NKAIN3: variants seen among roughly 807,000 people sequenced by gnomAD.
The protein encoded by NKAIN3 is sodium/potassium-transporting ATPase subunit beta-1-interacting protein 3.
A neutral mutation model predicts 30.2 loss-of-function variants in NKAIN3; 25 were observed. The observed-to-expected ratio is 0.83, with a 90% CI of 0.60 to 1.16. The LOEUF is 1.16. Ranked by LOEUF, NKAIN3 falls within the 50% of genes most tolerant of loss-of-function variation. The probability of loss-of-function intolerance (pLI) is 0.00; values close to 1 mark genes in which losing one functional copy is unlikely to be tolerated. For missense variants in NKAIN3, 225 were observed against 254.1 expected, an observed-to-expected ratio of 0.89 and a Z score of 0.78; for synonymous variants, 91 against 89.6, an observed-to-expected ratio of 1.02 and a Z score of -0.09.
At chr8:62,317,877 A>G (rs1814701642) in intron 1 of NKAIN3, among the ~76,000 whole-genome samples, 1 of 152,152 alleles carries the variant, frequency 6.6e-6, no homozygotes. Context: ...CAGTACGGCC[A>G]TTTTCACGAT....
At chr8:62,326,385 A>G (rs1815131499) in intron 1 of NKAIN3, among the ~76,000 whole-genome samples, 1 of 146,066 alleles carries the variant, frequency 6.8e-6, no homozygotes, top group Non-Finnish European at 1.5e-5. Flanking sequence ...TTTGTTACTT[A>G]TGATTTTGTT....
intron 1 of NKAIN3, among the ~76,000 whole-genome samples, chr8:62,287,383 A>G (rs1426776608): frequency 6.6e-6 from 1 of 152,030 alleles, no homozygotes; most frequent in Non-Finnish European, 1.5e-5. Context: ...ATCCTGATTC[A>G]TTGAGCAGCA....
intron 3 of NKAIN3, among the ~76,000 whole-genome samples, chr8:62,635,080 G>A (rs899800941): frequency 6.6e-6 from 1 of 152,028 alleles, no homozygotes; most frequent in Admixed American, 6.6e-5. Flanking sequence ...GCATGAGGGA[G>A]GAAACAAACA....
In NKAIN3 at chr8:62,547,503, C is replaced by T. The variant is rs73269448; in HGVS notation, c.55-32036C>T. Among the ~76,000 whole-genome samples, 285 of 152,260 alleles carry T rather than the reference C, an allele frequency of 1.9e-3. 1 individual carries two copies. Among genetic ancestry groups the T allele is most frequent in the African/African-American group, 6.5e-3 (271 of 41,564 alleles). On this transcript the variant is annotated intron_variant, in intron 1 of 6. Coordinates refer to ENST00000623646, the MANE Select transcript of NKAIN3 (RefSeq NM_001304533.3). ...ATTTATTTCTGATCAAACTGAAAAA[C>T]TCAAAGGCCAGTAATCTGATGGTGA...
intron 1 of NKAIN3, among the ~76,000 whole-genome samples, chr8:62,515,606 A>G (rs2129758004): frequency 6.6e-6 from 1 of 152,262 alleles, no homozygotes; most frequent in South Asian, 2.1e-4. Context: ...TACATCCAGG[A>G]GTGGAGCTGT....
chr8:62,413,155 C>A (rs1470749498), intron 1 of NKAIN3, among the ~76,000 whole-genome samples: 7 of 152,102 alleles, frequency 4.6e-5, no homozygotes, highest in South Asian at 4.1e-4. Context: ...AGATGCTGGC[C>A]AGGCTGTAGA....
chr8:62,929,534 G>A (rs1282897199), intron 5 of NKAIN3, among the ~76,000 whole-genome samples: 1 of 152,228 alleles, frequency 6.6e-6, no homozygotes, highest in Non-Finnish European at 1.5e-5. Flanking sequence ...CATACTGACT[G>A]TGTTTTCCTC....
At chr8:62,520,802 A>T (rs1417774053) in intron 1 of NKAIN3, among the ~76,000 whole-genome samples, 2 of 152,118 alleles carry the variant, frequency 1.3e-5, no homozygotes, top group African/African-American at 4.8e-5. Context: ...GTGAGACTGT[A>T]CTGGAAAACA....
chr8:62,442,767 T>C lies in NKAIN3; in HGVS notation c.55-136772T>C, dbSNP rs536305325. Among the ~76,000 whole-genome samples, 7 of 152,152 alleles carry C rather than the reference T, an allele frequency of 4.6e-5. 1 individual carries two copies. The East Asian group carries it at 1.4e-3, about 29-fold the overall frequency. On this transcript the variant is annotated intron_variant, in intron 1 of 6. Transcript: ENST00000623646. ...TGAGCTATGCCCTCAATTGTTGATA[T>C]ATAGGTTTTTAATTGTCACTTAGCT...
chr8:62,708,099 C>T lies in NKAIN3; in HGVS notation c.274-38833C>T, dbSNP rs144269290. Among the ~76,000 whole-genome samples, 136 of 152,256 alleles carry T rather than the reference C, an allele frequency of 8.9e-4. 1 individual carries two copies. The Middle Eastern group carries it at 0.01, about 11-fold the overall frequency. ...ATTGGTCTATGTGCCTATTTTTATACTGGTACCATACTGTTTTGGTAACTA... is the reference window on the plus strand; with the variant it reads ...ATTGGTCTATGTGCCTATTTTTATATTGGTACCATACTGTTTTGGTAACTA... On this transcript the variant is annotated intron_variant, in intron 3 of 6. Transcript: ENST00000623646.
intron 6 of NKAIN3, among the ~76,000 whole-genome samples, chr8:62,960,091 T>C (rs1326445207): frequency 2.0e-5 from 3 of 152,228 alleles, no homozygotes; most frequent in Admixed American, 1.3e-4. Flanking sequence ...TATTTGACTA[T>C]GTAGCAGTGA....
intron 4 of NKAIN3, among the ~76,000 whole-genome samples, chr8:62,854,025 A>C (rs916106899): frequency 2.0e-5 from 3 of 152,122 alleles, no homozygotes; most frequent in African/African-American, 7.2e-5. Flanking sequence ...GAATTTCTTA[A>C]TTTTGAGTTC....
intron 3 of NKAIN3, among the ~76,000 whole-genome samples, chr8:62,620,835 CA>C (rs1811600875): frequency 6.6e-6 from 1 of 152,094 alleles, no homozygotes; most frequent in African/African-American, 2.4e-5. Context: ...AGCTTTTGGT[CA>C]ATTTTCAAAG....
intron 1 of NKAIN3, among the ~76,000 whole-genome samples, chr8:62,392,850 A>T (rs1817618140): frequency 6.6e-6 from 1 of 152,082 alleles, no homozygotes; most frequent in Non-Finnish European, 1.5e-5. Flanking sequence ...CTTCAAAAAT[A>T]CTACAAATAA....
chr8:62,284,498 T>C (rs1666260417), intron 1 of NKAIN3, among the ~76,000 whole-genome samples: 1 of 152,014 alleles, frequency 6.6e-6, no homozygotes, highest in Admixed American at 6.6e-5. Flanking sequence ...TGGTGGCACA[T>C]GCCTGTAATC....
At chr8:62,693,939 A>G (rs1023231157) in intron 3 of NKAIN3, among the ~76,000 whole-genome samples, 24 of 152,244 alleles carry the variant, frequency 1.6e-4, no homozygotes, top group Non-Finnish European at 2.4e-4. Context: ...CATTAATCAT[A>G]AAAGATTGAA....
At chr8:62,850,109 AG>A (rs1819841818) in intron 4 of NKAIN3, among the ~76,000 whole-genome samples, 1 of 152,118 alleles carries the variant, frequency 6.6e-6, no homozygotes, top group South Asian at 2.1e-4. Context: ...GATCCTCTCC[AG>A]CACCTGTTGT....
At chr8:62,267,715 A>G (rs1812651236) in intron 1 of NKAIN3, among the ~76,000 whole-genome samples, 1 of 152,208 alleles carries the variant, frequency 6.6e-6, no homozygotes, top group African/African-American at 2.4e-5. Flanking sequence ...TGTTTCCTAC[A>G]CCATCAGGAT....
chr8:62,688,805 CT>C (rs1813874975), intron 3 of NKAIN3, among the ~76,000 whole-genome samples: 1 of 151,816 alleles, frequency 6.6e-6, no homozygotes, highest in Non-Finnish European at 1.5e-5. Flanking sequence ...CTTACAGAGT[CT>C]TTTTATATCA....
Sources: gnomAD v4.1 joint callset for allele counts (sites outside exome capture counted in the v4.1 genomes callset) on GRCh38, gnomAD v4.1.1 for gene constraint, MANE v1.5 for transcripts, NCBI Gene and HGNC (gene_info 2026-07-23, HGNC 2026-07-21) for gene names.